IQSEC1: variants seen among roughly 807,000 people sequenced by gnomAD.
IQSEC1 encodes IQ motif and SEC7 domain-containing protein 1.
A neutral mutation model predicts 91.0 loss-of-function variants in IQSEC1; 31 were observed. That is an observed-to-expected ratio of 0.34 (90% CI 0.26 to 0.46). The LOEUF (loss-of-function observed/expected upper bound fraction) is 0.46, where lower values mean the gene tolerates loss of function less well. Among genes scored for constraint, IQSEC1 ranks in the 20% least tolerant of loss-of-function variants. IQSEC1 has a pLI of 1.00. For synonymous variants in IQSEC1, 699 were observed against 662.6 expected (o/e 1.05, Z -0.84); for missense variants, 1,388 against 1,575.6 (o/e 0.88, Z 2.02).
intron 1 of IQSEC1, among the ~76,000 whole-genome samples, chr3:13,194,183 T>C (rs533657913): frequency 1.3e-5 from 2 of 152,224 alleles, no homozygotes; most frequent in Admixed American, 6.5e-5. Context: ...TCTAAGGTTA[T>C]GGGGGTTAGG....
chr3:12,924,215 G>C lies in IQSEC1; in HGVS notation c.1730+366C>G, dbSNP rs116286637. On this transcript the variant is annotated intron_variant, in intron 4 of 13. Coordinates refer to ENST00000613206, the MANE Select transcript of IQSEC1 (RefSeq NM_001134382.3). This position sits in a 1 kb window ranked among gnomAD's most constrained non-coding sequence, Gnocchi z 6.3. Reference sequence around the variant, plus strand: ...GACGTCCAGCTGCCTGCTCCTGCCAGCCCTGCCATGAGAAGCTGCAGGAAC... The same window carrying C: ...GACGTCCAGCTGCCTGCTCCTGCCACCCCTGCCATGAGAAGCTGCAGGAAC... Among the ~76,000 whole-genome samples the C allele has an allele frequency of 1.3e-3, 192 of 152,336 alleles. No homozygotes were observed. Among genetic ancestry groups the C allele is most frequent in the Middle Eastern group, 3.4e-3 (1 of 294 alleles).
In IQSEC1 at chr3:12,901,095, G is replaced by A. The variant is rs561842869; in HGVS notation, c.3233C>T (p.Pro1078Leu). 4.9e-5 allele frequency: 75 copies of A among 1,539,818 alleles called. No individual in the cohort carries two copies. The highest frequency in any genetic ancestry group is 2.3e-4 in the African/African-American group (17 of 72,870). ...GTGCCCCACGTGGGCCGAGGGCAGC[G>A]GCGGGTGGCCGTGGGCATGGGCCCC... is the stretch of plus-strand genomic sequence containing the variant. Reference protein sequence around the residue: ...AYGAHAHGHPPLPSAHVGHTV... With the variant: ...AYGAHAHGHPLLPSAHVGHTV... Residue 1078 changes from proline to leucine, a missense_variant, in exon 14 of 14, where the codon CCG becomes CTG. This residue lies in a region of IQSEC1 where 329 missense variants were observed against 257.8 expected (regional missense o/e 1.28). Transcript: ENST00000613206.
Position 12,975,954 on chromosome 3 carries a change from G to A in IQSEC1, c.24-34089C>T, listed in dbSNP as rs562355434. 5.3e-5 allele frequency among the ~76,000 whole-genome samples: 8 copies of A among 152,348 alleles called. No individual in the cohort carries two copies. In the South Asian group the frequency reaches 1.0e-3, roughly 20 times the overall value. ...GCAACCTTGGCATCTGCCCCCCAAC[G>A]GCTGCAGAGGCAGACTCCTGGCTCG... On this transcript the variant is annotated intron_variant, in intron 1 of 13. Coordinates refer to ENST00000613206, the MANE Select transcript of IQSEC1 (RefSeq NM_001134382.3).
chr3:13,152,420 T>C (rs1707014896), intron 2 of IQSEC1, among the ~76,000 whole-genome samples: 2 of 152,236 alleles, frequency 1.3e-5, no homozygotes, highest in Admixed American at 6.5e-5. Context: ...TATTTTCAAA[T>C]AATAGCTGTA....
intron 1 of IQSEC1, among the ~76,000 whole-genome samples, chr3:12,951,966 A>G (rs1393861288): frequency 6.6e-6 from 1 of 152,104 alleles, no homozygotes; most frequent in Non-Finnish European, 1.5e-5. Context: ...CCTCACATGG[A>G]AAGATTTAGA....
intron 2 of IQSEC1, among the ~76,000 whole-genome samples, chr3:13,157,543 T>A (rs1452818448): frequency 6.6e-6 from 1 of 152,094 alleles, no homozygotes; most frequent in Non-Finnish European, 1.5e-5. Context: ...TAGAAGACCA[T>A]CCTGAGGAAA....
intron 1 of IQSEC1, among the ~76,000 whole-genome samples, chr3:12,945,188 C>T (rs900987909): frequency 1.3e-5 from 2 of 152,108 alleles, no homozygotes; most frequent in African/African-American, 2.4e-5. Context: ...CTTTGGGCCC[C>T]GGGGCAGGGT....
At chr3:13,029,877 C>T (rs1334472339) in intron 1 of IQSEC1, among the ~76,000 whole-genome samples, 1 of 152,252 alleles carries the variant, frequency 6.6e-6, no homozygotes, top group Non-Finnish European at 1.5e-5. Flanking sequence ...TTTCCCAATA[C>T]CCAGACCTGT....
At chr3:12,912,484 A>G (rs1695652831) in intron 9 of IQSEC1, among the ~76,000 whole-genome samples, 1 of 152,152 alleles carries the variant, frequency 6.6e-6, no homozygotes, top group African/African-American at 2.4e-5. Flanking sequence ...TCTGATTTCA[A>G]CATCAGTGGT....
chr3:13,111,623 A>G (rs916839472), intron 2 of IQSEC1, among the ~76,000 whole-genome samples: 3 of 152,130 alleles, frequency 2.0e-5, no homozygotes, highest in African/African-American at 7.2e-5. Context: ...ATGTGACAGT[A>G]TTTGGGGGTG....
chr3:13,139,362 A>C (rs1706762725), intron 2 of IQSEC1, among the ~76,000 whole-genome samples: 1 of 152,066 alleles, frequency 6.6e-6, no homozygotes, highest in Admixed American at 6.5e-5. Flanking sequence ...ACAGAAAAAG[A>C]CTCATTGTAG....
At position 12,909,430 on chromosome 3, in the gene IQSEC1, G is replaced by C; in HGVS notation, c.2421C>G (p.Tyr807Ter). ...ACGAGGTGAGCCGGATGCCATTGGG[G>C]TAGTCTGCAAAAGGGAAGGAGAGGG... ...MQVLLFENQY[Y>*]PNGIRLTSSV... Residue 807 changes from tyrosine to a stop codon, truncating the protein, a stop_gained, in exon 11 of 14, where the codon TAC (tyrosine) becomes TAG (stop). Coordinates refer to ENST00000613206, the MANE Select transcript of IQSEC1 (RefSeq NM_001134382.3). LOFTEE classifies it high-confidence loss of function. The surrounding 1 kb of genome is among the most constrained non-coding windows in gnomAD (Gnocchi z 4.9). The C allele has an allele frequency of 6.2e-7, 1 of 1,613,738 alleles. No individual in the cohort carries two copies. Among genetic ancestry groups the C allele is most frequent in the Non-Finnish European group, 8.5e-7 (1 of 1,179,792 alleles).
Position 12,922,370 on chromosome 3 carries a change from AC to A in IQSEC1, c.1731-129del. 8.6e-7 allele frequency: 1 copy of A among 1,167,482 alleles called. No homozygotes were observed. The highest frequency in any genetic ancestry group is 1.9e-5 in the South Asian group (1 of 53,738). The allele number at this position is 1,167,482 out of a possible 1,614,324, so 72.3% of individuals were successfully genotyped here. ...TCCTGGCAGGGAGAGCCCCTGCCTG[AC>A]TCCGACCAATCAGCCAAGAGCCCTC... On this transcript the variant is annotated intron_variant, in intron 4 of 13. Transcript: ENST00000613206. The surrounding 1 kb of genome is among the most constrained non-coding windows in gnomAD (Gnocchi z 5.1).
At chr3:13,006,006 A>G (rs540815321) in intron 1 of IQSEC1, among the ~76,000 whole-genome samples, 1 of 152,304 alleles carries the variant, frequency 6.6e-6, no homozygotes, top group Admixed American at 6.5e-5. Flanking sequence ...GAATTTTATG[A>G]TAGTAACTTT....
At chr3:13,175,312 T>C (rs764663933) in intron 1 of IQSEC1, among the ~76,000 whole-genome samples, 1 of 152,194 alleles carries the variant, frequency 6.6e-6, no homozygotes, top group Non-Finnish European at 1.5e-5. Context: ...TAAGGGACTA[T>C]ACCTGCCTGG....
intron 2 of IQSEC1, among the ~76,000 whole-genome samples, chr3:13,109,622 A>C (rs1023520787): frequency 1.3e-5 from 2 of 151,878 alleles, no homozygotes; most frequent in African/African-American, 4.8e-5. Context: ...AGATCCGGTC[A>C]TTTAGAGGTG....
intron 1 of IQSEC1, among the ~76,000 whole-genome samples, chr3:12,965,369 G>C (rs1700498053): frequency 6.6e-6 from 1 of 152,366 alleles, no homozygotes; most frequent in Non-Finnish European, 1.5e-5. Context: ...GAGACGGCCA[G>C]CTTAAAGGGC....
At position 12,909,636 on chromosome 3, in the gene IQSEC1, C is replaced by T. The variant is rs1278476571; in HGVS notation, c.2417-202G>A. 6.6e-6 allele frequency among the ~76,000 whole-genome samples: 1 copy of T among 152,210 alleles called. No individual in the cohort carries two copies. Among genetic ancestry groups the T allele is most frequent in the African/African-American group, 2.4e-5 (1 of 41,456 alleles). ...CTTGGGAAAGATGGTCTGTGTCGCT[C>T]CACATGTGACTCAGGGACAAAAGTG... is the stretch of plus-strand genomic sequence containing the variant. On this transcript the variant is annotated intron_variant, in intron 10 of 13. Transcript: ENST00000613206. The surrounding 1 kb of genome is among the most constrained non-coding windows in gnomAD (Gnocchi z 4.9).
chr3:13,243,021 G>C (rs1252037388), intron 1 of IQSEC1, among the ~76,000 whole-genome samples: 1 of 152,208 alleles, frequency 6.6e-6, no homozygotes, highest in Non-Finnish European at 1.5e-5. Flanking sequence ...CCAACCTACA[G>C]GGTTGACTCC....
Sources: gnomAD v4.1 joint callset for allele counts (sites outside exome capture counted in the v4.1 genomes callset) on GRCh38, gnomAD v4.1.1 for gene constraint, gnomAD v4.1.1 regional missense constraint, Gnocchi (gnomAD v3.1) non-coding constraint, MANE v1.5 for transcripts, NCBI Gene and HGNC (gene_info 2026-07-23, HGNC 2026-07-21) for gene names.